Variants in PCDH9 observed in about 807,000 individuals in gnomAD.
PCDH9 encodes the protein protocadherin 9.
Under a neutral mutation model 70.6 loss-of-function variants are expected in PCDH9, and 24 were observed. The ratio of observed to expected loss-of-function variants is 0.34; its 90% CI spans 0.25 to 0.48. The LOEUF is 0.48. Among genes scored for constraint, PCDH9 ranks in the 20% least tolerant of loss-of-function variants. The probability of loss-of-function intolerance (pLI) is 0.99; values close to 1 mark genes in which losing one functional copy is unlikely to be tolerated. For synonymous variants in PCDH9, 562 were observed against 558.5 expected, an observed-to-expected ratio of 1.01 and a Z score of -0.09; for missense variants, 1,281 against 1,503.6, an observed-to-expected ratio of 0.85 and a Z score of 2.45.
chr13:66,589,365 T>C (rs180971958), intron 4 of PCDH9, among the ~76,000 whole-genome samples: 1 of 152,170 alleles, frequency 6.6e-6, no homozygotes, highest in Admixed American at 6.6e-5. Flanking sequence ...TAGTTTAATA[T>C]AGCTTGAAGG....
At chr13:66,398,421 A>G (rs1957138914) in intron 4 of PCDH9, among the ~76,000 whole-genome samples, 1 of 152,110 alleles carries the variant, frequency 6.6e-6, no homozygotes, top group Non-Finnish European at 1.5e-5. Flanking sequence ...AAGACCTGGG[A>G]GATTTAGAGA....
intron 3 of PCDH9, among the ~76,000 whole-genome samples, chr13:66,657,994 T>C (rs561838909): frequency 6.6e-6 from 1 of 152,294 alleles, no homozygotes; most frequent in Admixed American, 6.5e-5. Flanking sequence ...TAACAACTAT[T>C]TACATAGCAT....
At chr13:66,457,132 G>T (rs1958332640) in intron 4 of PCDH9, among the ~76,000 whole-genome samples, 1 of 151,998 alleles carries the variant, frequency 6.6e-6, no homozygotes, top group Non-Finnish European at 1.5e-5. Context: ...AATAAAAAGT[G>T]GCTCAACATA....
At chr13:67,159,597 T>C (rs2087901807) in intron 2 of PCDH9, among the ~76,000 whole-genome samples, 1 of 152,158 alleles carries the variant, frequency 6.6e-6, no homozygotes, top group Admixed American at 6.6e-5. Flanking sequence ...AAATAAAATG[T>C]TACTTGAGAT....
intron 2 of PCDH9, among the ~76,000 whole-genome samples, chr13:66,921,682 T>C (rs956276851): frequency 4.0e-5 from 6 of 151,334 alleles, no homozygotes; most frequent in Admixed American, 6.6e-5. Flanking sequence ...ACACAGGATT[T>C]ATGTCTCAGA....
intron 2 of PCDH9, among the ~76,000 whole-genome samples, chr13:66,945,139 G>A (rs942586459): frequency 6.6e-6 from 1 of 151,952 alleles, no homozygotes; most frequent in Non-Finnish European, 1.5e-5. Context: ...TATTAGTAAA[G>A]GTATCTATAT....
At chr13:66,920,157 AT>A (rs1293416196) in intron 2 of PCDH9, among the ~76,000 whole-genome samples, 1 of 151,228 alleles carries the variant, frequency 6.6e-6, no homozygotes, top group Non-Finnish European at 1.5e-5. Context: ...ATATGACTTA[AT>A]AAACCCACAC....
intron 4 of PCDH9, among the ~76,000 whole-genome samples, chr13:66,517,055 CA>C (rs1266372933): frequency 1.3e-5 from 2 of 152,088 alleles, no homozygotes; most frequent in Admixed American, 6.6e-5. Context: ...CCTAGGAAGC[CA>C]GCAAGACTTG....
intron 3 of PCDH9, among the ~76,000 whole-genome samples, chr13:66,869,163 T>C (rs2081627644): frequency 6.6e-6 from 1 of 152,164 alleles, no homozygotes; most frequent in Non-Finnish European, 1.5e-5. Context: ...TTCATCACAG[T>C]TCCTGGCCCC....
intron 2 of PCDH9, among the ~76,000 whole-genome samples, chr13:67,031,167 C>T (rs1048286268): frequency 1.3e-5 from 2 of 151,958 alleles, no homozygotes; most frequent in African/African-American, 2.4e-5. Flanking sequence ...ACATTGAAAG[C>T]GGGTGTTAAG....
intron 4 of PCDH9, among the ~76,000 whole-genome samples, chr13:66,431,642 A>G: frequency 6.6e-6 from 1 of 152,042 alleles, no homozygotes; most frequent in South Asian, 2.1e-4. Flanking sequence ...AACAATACAC[A>G]TTGACACAAT....
At chr13:67,133,489 A>G (rs1174660975) in intron 2 of PCDH9, among the ~76,000 whole-genome samples, 2 of 152,160 alleles carry the variant, frequency 1.3e-5, no homozygotes, top group East Asian at 1.9e-4. Context: ...GTTGGATTAC[A>G]TAATATAGGA....
At chr13:67,002,594 T>G (rs1427071882) in intron 2 of PCDH9, among the ~76,000 whole-genome samples, 1 of 151,848 alleles carries the variant, frequency 6.6e-6, no homozygotes, top group African/African-American at 2.4e-5. Flanking sequence ...CCCTCACCAA[T>G]TTTTAGAGAT....
At chr13:66,423,997 T>A (rs1360752810) in intron 4 of PCDH9, among the ~76,000 whole-genome samples, 1 of 152,120 alleles carries the variant, frequency 6.6e-6, no homozygotes, top group Non-Finnish European at 1.5e-5. Flanking sequence ...ACAAAATAGA[T>A]GTGCAAAAAT....
intron 2 of PCDH9, among the ~76,000 whole-genome samples, chr13:67,140,029 C>CT (rs1235957916): frequency 1.9e-5 from 2 of 106,444 alleles, no homozygotes; most frequent in Non-Finnish European, 3.7e-5. Context: ...TTGATCACCC[C>CT]CCCCCCCCCG....
intron 2 of PCDH9, among the ~76,000 whole-genome samples, chr13:67,138,244 G>A (rs900673621): frequency 6.6e-6 from 1 of 152,146 alleles, no homozygotes; most frequent in Non-Finnish European, 1.5e-5. Context: ...TTTCATTGAA[G>A]TGTTGTGAGA....
rs2089925231 is a variant in PCDH9 at position 67,228,099 on chromosome 13, C to T, written c.342G>A (p.Glu114=). ...AGAAATCATTGGGGAGGATCACCAC[C>T]TCAAGTTCAAAGAAACACTCATTCT... ...AEENECFFEL[E]VVILPNDFFR... Residue 114 remains glutamate, a synonymous_variant, in exon 2 of 5, where the codon GAG becomes GAA. Coordinates refer to ENST00000377865, the MANE Select transcript of PCDH9 (RefSeq NM_203487.3). The T allele has an allele frequency of 6.2e-7, 1 of 1,614,088 alleles. No individual in the cohort carries two copies. Among genetic ancestry groups the T allele is most frequent in the Non-Finnish European group, 8.5e-7 (1 of 1,180,002 alleles).
intron 4 of PCDH9, among the ~76,000 whole-genome samples, chr13:66,531,361 C>T (rs1960446517): frequency 6.6e-6 from 1 of 151,992 alleles, no homozygotes; most frequent in African/African-American, 2.4e-5. Flanking sequence ...CAATGGATTG[C>T]CATGGTGTAC....
At chr13:66,589,108 C>T (rs571498542) in intron 4 of PCDH9, among the ~76,000 whole-genome samples, 2 of 152,068 alleles carry the variant, frequency 1.3e-5, no homozygotes, top group African/African-American at 4.8e-5. Flanking sequence ...TTAAATATGT[C>T]CTATTCTTTA....
Sources: gnomAD v4.1 joint callset for allele counts (sites outside exome capture counted in the v4.1 genomes callset) on GRCh38, gnomAD v4.1.1 for gene constraint, MANE v1.5 for transcripts, NCBI Gene and HGNC (gene_info 2026-07-23, HGNC 2026-07-21) for gene names.